Variants in WWC2 observed in about 807,000 individuals in gnomAD.
WWC2 encodes WW and C2 domain containing 2, also known as protein WWC2.
In WWC2, 101 loss-of-function variants were observed where a neutral mutation model predicts 138.5. The observed-to-expected ratio is 0.73, with a 90% CI of 0.62 to 0.86. WWC2 has a LOEUF of 0.86. Ranked by LOEUF, WWC2 falls within the 40% of genes least tolerant of loss-of-function variation. The pLI is 0.00. For missense variants in WWC2, 1,420 were observed against 1,419.4 expected (o/e 1.00, Z -0.01); for synonymous variants, 558 against 538.4 (o/e 1.04, Z -0.50).
intron 4 of WWC2, among the ~76,000 whole-genome samples, chr4:183,236,951 G>A (rs930875738): frequency 4.0e-5 from 6 of 151,894 alleles, no homozygotes; most frequent in Non-Finnish European, 2.9e-5. Context: ...TTTATAGCAG[G>A]GTTGTTCAAT....
intron 1 of WWC2, among the ~76,000 whole-genome samples, chr4:183,150,798 C>A (rs780265708): frequency 6.6e-6 from 1 of 151,998 alleles, no homozygotes; most frequent in African/African-American, 2.4e-5. Flanking sequence ...TCTGTCCTTG[C>A]GAAAACCAAA....
intron 16 of WWC2, among the ~76,000 whole-genome samples, chr4:183,275,921 T>C (rs145757916): frequency 9.8e-4 from 150 of 152,300 alleles, no homozygotes; most frequent in Middle Eastern, 3.4e-3. Flanking sequence ...ATTTTTTGTT[T>C]ACAGATTCTA....
At chr4:183,311,346 C>G (rs144906314) in intron 21 of WWC2, among the ~76,000 whole-genome samples, 1 of 152,080 alleles carries the variant, frequency 6.6e-6, no homozygotes, top group Non-Finnish European at 1.5e-5. Context: ...CATATAACAG[C>G]GTGTATGATT....
At chr4:183,229,482 A>G (rs1736177848) in intron 4 of WWC2, among the ~76,000 whole-genome samples, 1 of 152,012 alleles carries the variant, frequency 6.6e-6, no homozygotes, top group Admixed American at 6.5e-5. Context: ...GAGTATGGAA[A>G]GGAAAAACAG....
intron 1 of WWC2, among the ~76,000 whole-genome samples, chr4:183,154,957 C>T (rs1407625088): frequency 2.0e-5 from 3 of 152,222 alleles, no homozygotes; most frequent in East Asian, 1.9e-4. Flanking sequence ...ATTCCTTTGA[C>T]ACCGCCTTGC....
intron 20 of WWC2, 131 bp from the exon 21 acceptor site, chr4:183,289,262 C>T (rs1188199374): frequency 1.5e-6 from 2 of 1,369,434 alleles, no homozygotes; most frequent in Non-Finnish European, 2.0e-6. Flanking sequence ...GAGCGAGTTG[C>T]TCCTGCCCCT....
At chr4:183,198,244 T>C (rs1487265146) in intron 2 of WWC2, among the ~76,000 whole-genome samples, 1 of 152,148 alleles carries the variant, frequency 6.6e-6, no homozygotes, top group East Asian at 1.9e-4. Flanking sequence ...AGGAGAAAAG[T>C]AGAAAATATA....
At chr4:183,224,214 A>G (rs1016392274) in intron 4 of WWC2, among the ~76,000 whole-genome samples, 2 of 152,076 alleles carry the variant, frequency 1.3e-5, no homozygotes, top group African/African-American at 4.8e-5. Context: ...TATGAGATCT[A>G]GTTTTTTTGG....
intron 1 of WWC2, among the ~76,000 whole-genome samples, chr4:183,112,157 A>G (rs1469743819): frequency 6.6e-6 from 1 of 152,218 alleles, no homozygotes; most frequent in Non-Finnish European, 1.5e-5. Flanking sequence ...TGTAGATTGA[A>G]AGACTACAAA....
chr4:183,201,525 A>G (rs376817244), intron 2 of WWC2, among the ~76,000 whole-genome samples: 31 of 152,288 alleles, frequency 2.0e-4, no homozygotes, highest in African/African-American at 7.5e-4. Flanking sequence ...ACTTTAGCTT[A>G]GAGTCATCCC....
chr4:183,230,254 T>C (rs1736202875), intron 4 of WWC2, among the ~76,000 whole-genome samples: 1 of 152,008 alleles, frequency 6.6e-6, no homozygotes, highest in African/African-American at 2.4e-5. Flanking sequence ...TAGTATAGAA[T>C]GAATGTTGGA....
chr4:183,103,685 T>C (rs1743258632), intron 1 of WWC2, among the ~76,000 whole-genome samples: 1 of 147,562 alleles, frequency 6.8e-6, no homozygotes, highest in Admixed American at 6.9e-5. Flanking sequence ...GTCGCCAGAC[T>C]GGAGTGCAGT....
intron 6 of WWC2, among the ~76,000 whole-genome samples, chr4:183,247,614 C>CTATATATAG (rs201321283): frequency 4.6e-5 from 6 of 131,764 alleles, no homozygotes; most frequent in African/African-American, 1.9e-4. Flanking sequence ...GCTATATATA[C>CTATATATAG]TATATATACT....
At chr4:183,189,649 C>G (rs548592303) in intron 1 of WWC2, among the ~76,000 whole-genome samples, 1 of 152,170 alleles carries the variant, frequency 6.6e-6, no homozygotes, top group African/African-American at 2.4e-5. Context: ...TGACAGGATT[C>G]GCTCTGCTTT....
At chr4:183,203,688 G>A (rs1164120040) in intron 2 of WWC2, 1 of 66,468 alleles carries the variant, frequency 1.5e-5, no homozygotes, top group Non-Finnish European at 3.1e-5. Context: ...CAGTTAGGCT[G>A]TGCCTTAATC....
At chr4:183,193,913 A>G (rs947555089) in intron 2 of WWC2, among the ~76,000 whole-genome samples, 2 of 152,202 alleles carry the variant, frequency 1.3e-5, no homozygotes, top group African/African-American at 2.4e-5. Flanking sequence ...GAGAAAGGGT[A>G]TCTGGCCCGT....
chr4:183,110,622 G>T (rs1732202803), intron 1 of WWC2, among the ~76,000 whole-genome samples: 1 of 152,092 alleles, frequency 6.6e-6, no homozygotes, highest in Non-Finnish European at 1.5e-5. Flanking sequence ...TTCCAATAGA[G>T]CATTTGAATA....
At chr4:183,261,797 C>CTG (rs1737339250) in intron 11 of WWC2, among the ~76,000 whole-genome samples, 1 of 152,188 alleles carries the variant, frequency 6.6e-6, no homozygotes, top group Admixed American at 6.5e-5. Flanking sequence ...TGGTAGCTGA[C>CTG]TGGGAACATA....
rs373945240 is a variant in WWC2 at position 183,245,418 on chromosome 4, T to C, written c.605T>C (p.Ile202Thr). ...KEQGFETLQQ[I>T]DKKMSGGQSG... is the part of the protein sequence containing the mutation. ...TCTTTCTTTTTCTCTTTTCACAGAA[T>C]TGATAAAAAAATGTCTGGAGGCCAG... The change falls in exon 6 of 23, where the codon ATT (isoleucine) becomes ACT (threonine). Residue 202 changes from isoleucine (I) to threonine (T), a missense_variant and splice_region_variant. Transcript: ENST00000403733. 3.2e-6 allele frequency: 5 copies of C among 1,551,072 alleles called. No homozygotes were observed. Among genetic ancestry groups the C allele is most frequent in the Admixed American group, 2.3e-5 (1 of 44,048 alleles).
Sources: gnomAD v4.1 joint callset for allele counts (sites outside exome capture counted in the v4.1 genomes callset) on GRCh38, gnomAD v4.1.1 for gene constraint, MANE v1.5 for transcripts, NCBI Gene and HGNC (gene_info 2026-07-23, HGNC 2026-07-21) for gene names.